The following ACADM variants were observed in gnomAD, a reference collection of about 807,000 sequenced individuals.
ACADM encodes the protein acyl-CoA dehydrogenase medium chain, also known as medium-chain specific acyl-CoA dehydrogenase, mitochondrial.
A neutral mutation model predicts 58.9 loss-of-function variants in ACADM; 49 were observed. The ratio of observed to expected loss-of-function variants is 0.83; its 90% CI spans 0.66 to 1.06. The LOEUF is 1.06. Ranked by LOEUF, ACADM falls within the 50% of genes least tolerant of loss-of-function variation. ACADM has a pLI of 0.00. For missense variants in ACADM, 496 were observed against 507.0 expected, an observed-to-expected ratio of 0.98 and a Z score of 0.21; for synonymous variants, 160 against 157.7, an observed-to-expected ratio of 1.01 and a Z score of -0.11.
chr1:75,728,842 C>T (rs1211592904), intron 2 of ACADM, among the ~76,000 whole-genome samples: 1 of 152,148 alleles, frequency 6.6e-6, no homozygotes, highest in Non-Finnish European at 1.5e-5. Context: ...TGTTAGATTA[C>T]AATTCTAGGT....
chr1:75,754,349 A>G (rs2100431545), intron 10 of ACADM, among the ~76,000 whole-genome samples: 1 of 151,556 alleles, frequency 6.6e-6, no homozygotes, highest in Non-Finnish European at 1.5e-5. Context: ...CTGGGTTTAC[A>G]GGTGCCCGCA....
chr1:75,731,558 A>G lies in ACADM; in HGVS notation c.119-1086A>G, dbSNP rs557676021. 1.2e-4 allele frequency among the ~76,000 whole-genome samples: 19 copies of G among 152,316 alleles called. No individual in the cohort carries two copies. In the South Asian group the frequency reaches 3.7e-3, roughly 30 times the overall value. On this transcript the variant is annotated intron_variant, in intron 2 of 11. Transcript: ENST00000370841. Reference sequence around the variant, plus strand: ...TAGCAATTGACTCCTCTCCTCAATCAAGCCACCATACTAATTTCATTAATT... The same window carrying G: ...TAGCAATTGACTCCTCTCCTCAATCGAGCCACCATACTAATTTCATTAATT...
At chr1:75,738,767 T>C (rs1338261123) in intron 6 of ACADM, among the ~76,000 whole-genome samples, 1 of 152,030 alleles carries the variant, frequency 6.6e-6, no homozygotes, top group Admixed American at 6.6e-5. Flanking sequence ...TTCTTTGGAC[T>C]GTAAGTACCT....
Position 75,724,857 on chromosome 1 carries a change from G to A in ACADM, c.30+40G>A, listed in dbSNP as rs750745448. 2.8e-6 allele frequency: 4 copies of A among 1,410,796 alleles called. No individual in the cohort carries two copies. The South Asian group carries it at 6.7e-5, about 24-fold the overall frequency. 87.4% of individuals were successfully genotyped at this position (1,410,796 alleles called of 1,614,324 possible). On this transcript the variant is annotated intron_variant, in intron 1 of 11. Transcript: ENST00000370841. Reference sequence around the variant, plus strand: ...AGCGGTGCGGTGGGGCTGGAACATGGGTATTGTGGTGTCGGAGCAGGGGGC... The same window carrying A: ...AGCGGTGCGGTGGGGCTGGAACATGAGTATTGTGGTGTCGGAGCAGGGGGC...
Position 75,724,818 on chromosome 1 carries a change from G to C in ACADM, c.30+1G>C, listed in dbSNP as rs1647021342. ...AGCGGGGTTCGGGCGATGCTGCAGG[G>C]TGAGAGGGAGCCCAGCGGTGCGGTG... is the stretch of plus-strand genomic sequence containing the variant. On this transcript the variant is annotated splice_donor_variant, in intron 1 of 11. Transcript: ENST00000370841. LOFTEE classifies it high-confidence loss of function. 6.7e-7 allele frequency: 1 copy of C among 1,497,708 alleles called. No individual in the cohort carries two copies. The highest frequency in any genetic ancestry group is 1.4e-5 in the African/African-American group (1 of 69,402). 92.8% of individuals were successfully genotyped at this position (1,497,708 alleles called of 1,614,324 possible).
At chr1:75,739,777 G>A (rs1247889145) in intron 6 of ACADM, among the ~76,000 whole-genome samples, 1 of 152,218 alleles carries the variant, frequency 6.6e-6, no homozygotes, top group Non-Finnish European at 1.5e-5. Flanking sequence ...GCCTGGGCAA[G>A]AGAGTGAGAC....
At chr1:75,755,331 T>C (rs1194405724) in intron 10 of ACADM, among the ~76,000 whole-genome samples, 2 of 152,184 alleles carry the variant, frequency 1.3e-5, no homozygotes, top group Admixed American at 1.3e-4. Flanking sequence ...CCCTGACCCC[T>C]GAGTAGCCTA....
intron 10 of ACADM, among the ~76,000 whole-genome samples, chr1:75,759,668 T>C (rs2100447318): frequency 6.8e-6 from 1 of 148,012 alleles, no homozygotes; most frequent in African/African-American, 2.5e-5. Context: ...TTTTTTTTTT[T>C]TTTTTTTTTT....
chr1:75,751,868 G>C (rs746908253), intron 10 of ACADM, among the ~76,000 whole-genome samples: 1 of 151,994 alleles, frequency 6.6e-6, no homozygotes, highest in Non-Finnish European at 1.5e-5. Flanking sequence ...GTACTATAAA[G>C]AGTCGTGTCT....
chr1:75,733,923 C>A (rs1283733044), intron 5 of ACADM, among the ~76,000 whole-genome samples: 1 of 152,130 alleles, frequency 6.6e-6, no homozygotes, highest in African/African-American at 2.4e-5. Context: ...TTAGGTAAAG[C>A]CAAGGGCTAA....
intron 8 of ACADM, among the ~76,000 whole-genome samples, 159 bp from the exon 9 acceptor site, chr1:75,749,260 T>A (rs1648066023): frequency 1.3e-5 from 2 of 152,208 alleles, no homozygotes; most frequent in Non-Finnish European, 2.9e-5. Flanking sequence ...TAGGCGTGAC[T>A]GTATTCCAAT....
At position 75,733,572 on chromosome 1, in the gene ACADM, G is replaced by A. The variant is rs772061007; in HGVS notation, c.331G>A (p.Glu111Lys). 6.2e-7 allele frequency: 1 copy of A among 1,614,108 alleles called. No homozygotes were observed. Among genetic ancestry groups the A allele is most frequent in the South Asian group, 1.1e-5 (1 of 91,082 alleles). Reference protein sequence around the residue: ...GTFDACLISEELAYGCTGVQT... With the variant: ...GTFDACLISEKLAYGCTGVQT... ...TTTTGATGCTTGTTTAATTAGTGAAGAATTGGCTTATGGATGTACAGGGGT... is the reference window on the plus strand; with the variant it reads ...TTTTGATGCTTGTTTAATTAGTGAAAAATTGGCTTATGGATGTACAGGGGT... Residue 111 changes from glutamate to lysine, a missense_variant, in exon 5 of 12, where the codon GAA becomes AAA. By Grantham distance (56) the Glu-to-Lys change is moderately conservative. Coordinates refer to ENST00000370841, the MANE Select transcript of ACADM (RefSeq NM_000016.6).
At chr1:75,757,169 C>T (rs1648554491) in intron 10 of ACADM, among the ~76,000 whole-genome samples, 1 of 152,310 alleles carries the variant, frequency 6.6e-6, no homozygotes, top group Non-Finnish European at 1.5e-5. Context: ...ATGTCTAAAA[C>T]ACCAGAAGCA....
At chr1:75,743,206 T>C (rs1647680312) in intron 7 of ACADM, among the ~76,000 whole-genome samples, 1 of 152,030 alleles carries the variant, frequency 6.6e-6, no homozygotes. Context: ...AATTAAGATA[T>C]TCGAGGGTAT....
intron 2 of ACADM, among the ~76,000 whole-genome samples, chr1:75,731,344 T>C (rs1292803859): frequency 2.0e-5 from 3 of 150,530 alleles, no homozygotes; most frequent in African/African-American, 4.9e-5. Flanking sequence ...GCACCAGAAT[T>C]CAGCTTTTAT....
At chr1:75,758,307 G>A (rs1648623361) in intron 10 of ACADM, among the ~76,000 whole-genome samples, 1 of 152,138 alleles carries the variant, frequency 6.6e-6, no homozygotes, top group Admixed American at 6.6e-5. Context: ...CTGACCTCAG[G>A]TGATCCACCC....
At chr1:75,732,980 A>G in intron 4 of ACADM, 58 bp downstream of exon 4, 1 of 1,613,076 alleles carries the variant, frequency 6.2e-7, no homozygotes, top group Non-Finnish European at 8.5e-7. Flanking sequence ...AAATTGTGGA[A>G]CTCTACTCAG....
In ACADM at chr1:75,745,827, T is replaced by C; in HGVS notation, c.621T>C (p.Ser207=). The stretch of plus-strand genomic sequence containing the variant: ...TTAGGTATTTTTTATTGGCACGTTC[T>C]GATCCAGATCCTAAAGCTCCTGCTA... The part of the protein sequence containing the change: ...KANWYFLLAR[S]DPDPKAPANK... The change falls in exon 8 of 12, where the codon TCT becomes TCC. Residue 207 remains serine, a synonymous_variant. Coordinates refer to ENST00000370841, the MANE Select transcript of ACADM (RefSeq NM_000016.6). 6.2e-7 allele frequency: 1 copy of C among 1,613,876 alleles called. No homozygotes were observed. The highest frequency in any genetic ancestry group is 8.5e-7 in the Non-Finnish European group (1 of 1,179,810).
chr1:75,732,610 C>A, intron 2 of ACADM, 34 bp from the exon 3 acceptor site: 2 of 1,504,898 alleles, frequency 1.3e-6, no homozygotes. Flanking sequence ...TCCTTGTTAT[C>A]CAGTTTTAAC....
Sources: allele counts gnomAD v4.1 joint callset (sites outside exome capture counted in the v4.1 genomes callset), GRCh38; gene constraint gnomAD v4.1.1; transcripts MANE v1.5; gene names NCBI Gene and HGNC (gene_info 2026-07-23, HGNC 2026-07-21).